The following BMPR1B variants were observed in gnomAD, a reference collection of about 807,000 sequenced individuals.
BMPR1B encodes the protein bone morphogenetic protein receptor type 1B, also known as bone morphogenetic protein receptor type-1B.
A neutral mutation model predicts 59.1 loss-of-function variants in BMPR1B; 12 were observed. The ratio of observed to expected loss-of-function variants is 0.20; its 90% confidence interval spans 0.13 to 0.33. The LOEUF is 0.33. Among genes scored for constraint, BMPR1B ranks in the 10% least tolerant of loss-of-function variants. The pLI, the probability that BMPR1B is intolerant of heterozygous loss-of-function variation, is 1.00. For missense variants in BMPR1B, 550 were observed against 610.9 expected (o/e 0.90, Z 1.05); for synonymous variants, 237 against 207.3 (o/e 1.14, Z -1.23).
chr4:94,824,487 G>C (rs1724314436), intron 1 of BMPR1B, among the ~76,000 whole-genome samples: 1 of 152,178 alleles, frequency 6.6e-6, no homozygotes, highest in Non-Finnish European at 1.5e-5. Flanking sequence ...CCCAAATGCA[G>C]ACACTAAGGT....
chr4:94,762,535 G>A (rs1355964096), intron 1 of BMPR1B, among the ~76,000 whole-genome samples: 1 of 152,174 alleles, frequency 6.6e-6, no homozygotes, highest in East Asian at 1.9e-4. Context: ...CACTGGCCAG[G>A]GAGGCTGGAC....
At chr4:94,920,676 A>G (rs902711836) in intron 2 of BMPR1B, among the ~76,000 whole-genome samples, 1 of 152,234 alleles carries the variant, frequency 6.6e-6, no homozygotes, top group Non-Finnish European at 1.5e-5. Context: ...GCCAAGGAGC[A>G]TAAGCAGAAC....
chr4:95,022,925 A>G (rs1011648412), intron 3 of BMPR1B, among the ~76,000 whole-genome samples: 3 of 152,202 alleles, frequency 2.0e-5, no homozygotes, highest in African/African-American at 4.8e-5. Context: ...TGGATCACCA[A>G]TAATGCCTTG....
intron 2 of BMPR1B, among the ~76,000 whole-genome samples, chr4:94,932,604 A>G (rs1435109305): frequency 6.6e-6 from 1 of 152,166 alleles, no homozygotes; most frequent in Non-Finnish European, 1.5e-5. Context: ...AGTTTGTCAT[A>G]AATAAATGAG....
At chr4:95,045,553 T>A (rs1202489158) in intron 3 of BMPR1B, among the ~76,000 whole-genome samples, 1 of 152,214 alleles carries the variant, frequency 6.6e-6, no homozygotes, top group Non-Finnish European at 1.5e-5. Context: ...TACTGCCTGT[T>A]CTCTTTGCTT....
intron 1 of BMPR1B, among the ~76,000 whole-genome samples, chr4:94,841,669 A>G (rs1160208427): frequency 6.6e-6 from 1 of 152,032 alleles, no homozygotes; most frequent in Non-Finnish European, 1.5e-5. Context: ...GGCACTCCCT[A>G]TTGAGATGAA....
At chr4:94,774,950 C>T (rs4699681) in intron 1 of BMPR1B, among the ~76,000 whole-genome samples, 116,910 of 152,042 alleles carry the variant, frequency 0.77, 44,974 homozygotes, top group African/African-American at 0.79. Context: ...TGAGGAACCT[C>T]AGAATTTTTT....
intron 1 of BMPR1B, among the ~76,000 whole-genome samples, chr4:94,790,762 T>G (rs1336115627): frequency 6.6e-6 from 1 of 152,216 alleles, no homozygotes; most frequent in Non-Finnish European, 1.5e-5. Flanking sequence ...TTAGGTTTAT[T>G]TTTGGTAACT....
At chr4:95,106,518 G>T (rs1731209678) in intron 4 of BMPR1B, among the ~76,000 whole-genome samples, 1 of 152,004 alleles carries the variant, frequency 6.6e-6, no homozygotes, top group East Asian at 1.9e-4. Flanking sequence ...TGATGGATTA[G>T]ATACCATCTA....
intron 1 of BMPR1B, among the ~76,000 whole-genome samples, chr4:94,851,476 C>T (rs1725563847): frequency 6.6e-6 from 1 of 152,070 alleles, no homozygotes; most frequent in African/African-American, 2.4e-5. Context: ...TGACCTATTC[C>T]TAACTTCCAA....
intron 2 of BMPR1B, among the ~76,000 whole-genome samples, chr4:94,899,693 T>C (rs1435441477): frequency 6.6e-6 from 1 of 151,930 alleles, no homozygotes; most frequent in African/African-American, 2.4e-5. Context: ...TAAGAAAGTT[T>C]TCATTAGAAA....
chr4:94,967,084 T>C (rs1351650057), intron 2 of BMPR1B, among the ~76,000 whole-genome samples: 1 of 152,190 alleles, frequency 6.6e-6, no homozygotes, highest in African/African-American at 2.4e-5. Context: ...GATAGGAATT[T>C]ATGACAAAAT....
At position 94,949,471 on chromosome 4, in the gene BMPR1B, C is replaced by T. The variant is rs1432323211; in HGVS notation, c.-112-46569C>T. ...AGCTGGGACTACAGGCGCCTGCCACCGCGCCCGGCTGATTTTTTGTATTTT... is the reference window on the plus strand; with the variant it reads ...AGCTGGGACTACAGGCGCCTGCCACTGCGCCCGGCTGATTTTTTGTATTTT... On this transcript the variant is annotated intron_variant, in intron 2 of 12. Transcript: ENST00000515059. Among the ~76,000 whole-genome samples, 190 of 107,340 alleles carry T rather than the reference C, an allele frequency of 1.8e-3. 51 individuals are homozygous for T. Among genetic ancestry groups the T allele is most frequent in the African/African-American group, 7.5e-3 (185 of 24,766 alleles). The allele number at this position is 107,340 out of a possible 152,430, so 70.4% of individuals were successfully genotyped here.
chr4:95,093,560 G>A (rs1051986049), intron 3 of BMPR1B, among the ~76,000 whole-genome samples: 1 of 151,670 alleles, frequency 6.6e-6, no homozygotes, highest in African/African-American at 2.4e-5. Flanking sequence ...TCATAGTCTG[G>A]TGTTGTCTGT....
chr4:94,946,166 G>A (rs1007886540), intron 2 of BMPR1B, among the ~76,000 whole-genome samples: 146 of 152,256 alleles, frequency 9.6e-4, no homozygotes, highest in African/African-American at 3.4e-3. Context: ...ATGTTAGTGA[G>A]TATATTTGTG....
At position 94,937,308 on chromosome 4, in the gene BMPR1B, C is replaced by T. The variant is rs534076740; in HGVS notation, c.-112-58732C>T. Among the ~76,000 whole-genome samples, 7 of 152,256 alleles carry T rather than the reference C, an allele frequency of 4.6e-5. No individual in the cohort carries two copies. The South Asian group carries it at 6.2e-4, about 14-fold the overall frequency. ...TTTTCCCTGGCAGAGTTAGGCACTT[C>T]CTCTGTCTTCCCGTATTAATGCCTT... On this transcript the variant is annotated intron_variant, in intron 2 of 12. Transcript: ENST00000515059.
chr4:95,131,298 T>A lies in BMPR1B; in HGVS notation c.862T>A (p.Tyr288Asn), dbSNP rs746544755. 1 of 1,614,018 alleles carries A rather than the reference T, an allele frequency of 6.2e-7. No homozygotes were observed. Among genetic ancestry groups the A allele is most frequent in the Non-Finnish European group, 8.5e-7 (1 of 1,179,974 alleles). ...AGACTATCATGAAAATGGTTCCCTT[T>A]ATGATTATCTGAAGTCCACCACCCT... ...ITDYHENGSLYDYLKSTTLDA... is the reference protein window; with the variant it reads ...ITDYHENGSLNDYLKSTTLDA... Residue 288 changes from tyrosine to asparagine, a missense_variant, in exon 10 of 13, where the codon TAT (tyrosine) becomes AAT (asparagine). Around this residue, in one of 6 missense-constraint regions of BMPR1B, gnomAD observed 318 missense variants for 284.6 expected, o/e 1.12. Coordinates refer to ENST00000515059, the MANE Select transcript of BMPR1B (RefSeq NM_001203.3).
chr4:95,058,757 T>C (rs979443701), intron 3 of BMPR1B, among the ~76,000 whole-genome samples: 4 of 152,218 alleles, frequency 2.6e-5, no homozygotes, highest in Non-Finnish European at 5.9e-5. Flanking sequence ...CTTTATTTTC[T>C]CTCTAAAAGA....
intron 1 of BMPR1B, among the ~76,000 whole-genome samples, chr4:94,774,154 G>C (rs1233430772): frequency 1.3e-5 from 2 of 151,966 alleles, no homozygotes; most frequent in Non-Finnish European, 2.9e-5. Flanking sequence ...ATGCTTCTGT[G>C]CAACCTCCCC....
Sources: gnomAD v4.1 joint callset for allele counts (sites outside exome capture counted in the v4.1 genomes callset) on GRCh38, gnomAD v4.1.1 for gene constraint, gnomAD v4.1.1 regional missense constraint, MANE v1.5 for transcripts, NCBI Gene and HGNC (gene_info 2026-07-23, HGNC 2026-07-21) for gene names.